The following TNRC6B variants were observed in gnomAD, a reference collection of about 807,000 sequenced individuals.
TNRC6B encodes trinucleotide repeat-containing gene 6B protein.
A neutral mutation model predicts 203.6 loss-of-function variants in TNRC6B; 52 were observed. That is an observed-to-expected ratio of 0.26 (90% CI 0.20 to 0.32). The LOEUF is 0.32. Ranked by LOEUF, TNRC6B falls within the 10% of genes least tolerant of loss-of-function variation. The pLI is 1.00. For synonymous variants in TNRC6B, 838 were observed against 845.7 expected, an observed-to-expected ratio of 0.99 and a Z score of 0.16; for missense variants, 1,923 against 2,286.2, an observed-to-expected ratio of 0.84 and a Z score of 3.24.
At chr22:40,269,163 T>C (rs1344480617) in intron 5 of TNRC6B, among the ~76,000 whole-genome samples, 1 of 122,696 alleles carries the variant, frequency 8.2e-6, no homozygotes, top group East Asian at 2.7e-4. Context: ...TGAGAGGGAG[T>C]CTCACTGTCT....
At chr22:40,321,524 A>G (rs892147143) in intron 22 of TNRC6B, 5 of 290,768 alleles carry the variant, frequency 1.7e-5, no homozygotes, top group Non-Finnish European at 2.7e-5. Context: ...ACAGTGGCCC[A>G]TGCCTGTAAT....
chr22:40,251,075 G>T (rs1323177912), intron 2 of TNRC6B, 104 bp from the exon 3 acceptor site: 4 of 918,478 alleles, frequency 4.4e-6, no homozygotes, highest in South Asian at 2.0e-5. Context: ...ATGCCTGTGT[G>T]CCTGACAGCT....
chr22:40,130,768 G>A (rs2068534820), intron 3 of TNRC6B, among the ~76,000 whole-genome samples: 1 of 119,360 alleles, frequency 8.4e-6, no homozygotes, highest in Non-Finnish European at 1.6e-5. Context: ...GGGCGACAGG[G>A]AGACTCCGTC....
chr22:40,046,452 T>C (rs1044804796), intron 1 of TNRC6B, among the ~76,000 whole-genome samples: 4 of 152,116 alleles, frequency 2.6e-5, no homozygotes, highest in African/African-American at 9.7e-5. Context: ...AATAATACTT[T>C]TATATTTTCT....
rs2069727232 is a variant in TNRC6B at position 40,222,724 on chromosome 22, CTCTCTTTTTTTTTTTTTTTTTTTTTTT to C, written c.6-23289_6-23263del. ...TAACATCTTGCTGTATTCTCTCTCT[CTCTCTTTTTTTTTTTTTTTTTTTTTTT>C]TTTTTTTTTTGAGACGGAGTTTTGC... On this transcript the variant is annotated intron_variant, in intron 1 of 22. Transcript: ENST00000454349. 4.4e-5 allele frequency among the ~76,000 whole-genome samples: 4 copies of C among 91,458 alleles called. No homozygotes were observed. The South Asian group carries it at 1.7e-3, about 39-fold the overall frequency. The allele number at this position is 91,458 out of a possible 152,430, so 60.0% of individuals were successfully genotyped here.
chr22:40,242,465 T>C (rs1258617475), intron 1 of TNRC6B, among the ~76,000 whole-genome samples: 8 of 152,074 alleles, frequency 5.3e-5, no homozygotes, highest in Non-Finnish European at 1.5e-5. Flanking sequence ...AATTTCGCTC[T>C]TGTTGCCCAG....
intron 3 of TNRC6B, among the ~76,000 whole-genome samples, chr22:40,133,546 T>C (rs1430842630): frequency 6.6e-6 from 1 of 152,144 alleles, no homozygotes; most frequent in Non-Finnish European, 1.5e-5. Flanking sequence ...TGGAAGGAAG[T>C]CCACAATGGA....
chr22:40,317,301 C>G (rs900306229), intron 21 of TNRC6B, among the ~76,000 whole-genome samples: 2 of 152,156 alleles, frequency 1.3e-5, no homozygotes, highest in African/African-American at 2.4e-5. Context: ...TACATGGGGC[C>G]AGTCGCAGTG....
chr22:40,277,792 TG>T (rs548383313), intron 8 of TNRC6B, among the ~76,000 whole-genome samples: 60 of 152,222 alleles, frequency 3.9e-4, no homozygotes, highest in Non-Finnish European at 7.2e-4. Flanking sequence ...ACTAATTGTA[TG>T]TGAAAACTGA....
At chr22:40,279,650 T>C (rs1442750769) in intron 9 of TNRC6B, among the ~76,000 whole-genome samples, 1 of 152,232 alleles carries the variant, frequency 6.6e-6, no homozygotes, top group Non-Finnish European at 1.5e-5. Context: ...GAGCAAGATG[T>C]GTTCATCAGA....
intron 1 of TNRC6B, among the ~76,000 whole-genome samples, chr22:40,110,373 C>T (rs2068322086): frequency 6.6e-6 from 1 of 152,232 alleles, no homozygotes; most frequent in South Asian, 2.1e-4. Context: ...GTGCCATGTA[C>T]TTAGTAAGCA....
In TNRC6B at chr22:40,100,251, T is replaced by A. The variant is rs1469435352; in HGVS notation, c.-120-16804T>A. Among the ~76,000 whole-genome samples, 3 of 151,922 alleles carry A rather than the reference T, an allele frequency of 2.0e-5. No individual in the cohort carries two copies. In the East Asian group the frequency reaches 5.8e-4, roughly 29 times the overall value. ...ACAGGCCTGTGCCACCACACCCAGCTAATTTTTTTTGTATTTTTAGTAGAG... is the reference window on the plus strand; with the variant it reads ...ACAGGCCTGTGCCACCACACCCAGCAAATTTTTTTTGTATTTTTAGTAGAG... On this transcript the variant is annotated intron_variant, in intron 1 of 23. Transcript: ENST00000301923.
At chr22:40,097,669 T>TACACACACACACAC (rs6147625) in intron 1 of TNRC6B, among the ~76,000 whole-genome samples, 30 of 135,638 alleles carry the variant, frequency 2.2e-4, no homozygotes, top group Non-Finnish European at 4.3e-4. Flanking sequence ...AGGTATATCA[T>TACACACACACACAC]ACACACACAC....
chr22:40,126,733 G>A (rs2068497534), intron 3 of TNRC6B, among the ~76,000 whole-genome samples: 1 of 150,950 alleles, frequency 6.6e-6, no homozygotes, highest in Admixed American at 6.6e-5. Context: ...TGGGACTACA[G>A]GTGCACACCA....
At chr22:40,147,668 A>G (rs998143448) in intron 3 of TNRC6B, among the ~76,000 whole-genome samples, 2 of 152,142 alleles carry the variant, frequency 1.3e-5, no homozygotes, top group Non-Finnish European at 2.9e-5. Context: ...TGACCTAAAC[A>G]CCTTCCAGAA....
chr22:40,196,274 A>G (rs1490663854), intron 1 of TNRC6B, among the ~76,000 whole-genome samples: 2 of 150,470 alleles, frequency 1.3e-5, no homozygotes, highest in Non-Finnish European at 3.0e-5. Flanking sequence ...CTCAGCTACC[A>G]GAGTAGCTGG....
chr22:40,296,522 C>G (rs764237501), intron 12 of TNRC6B, among the ~76,000 whole-genome samples: 30 of 151,498 alleles, frequency 2.0e-4, no homozygotes, highest in Non-Finnish European at 2.9e-5. Flanking sequence ...TTAGTAGAGA[C>G]GGGGTTTCAC....
intron 4 of TNRC6B, among the ~76,000 whole-genome samples, chr22:40,159,489 A>G (rs532901342): frequency 3.1e-4 from 47 of 151,238 alleles, no homozygotes; most frequent in Admixed American, 9.2e-4. Context: ...AATACAAAAA[A>G]TTAGCCATGC....
At chr22:40,072,755 T>G (rs1259667579) in intron 1 of TNRC6B, among the ~76,000 whole-genome samples, 2 of 148,916 alleles carry the variant, frequency 1.3e-5, no homozygotes, top group African/African-American at 5.0e-5. Context: ...TCCCAGATAC[T>G]CAGGAGGCGG....
Sources: allele counts gnomAD v4.1 joint callset (sites outside exome capture counted in the v4.1 genomes callset), GRCh38; gene constraint gnomAD v4.1.1; transcripts MANE v1.5; gene names NCBI Gene and HGNC (gene_info 2026-07-23, HGNC 2026-07-21).